Variants in PDIA6 observed in about 807,000 individuals in gnomAD.
PDIA6 encodes the protein protein disulfide isomerase family A member 6, also known as protein disulfide-isomerase A6.
A neutral mutation model predicts 58.4 loss-of-function variants in PDIA6; 29 were observed. The observed-to-expected ratio is 0.50, with a 90% CI of 0.37 to 0.68. The LOEUF (loss-of-function observed/expected upper bound fraction) is 0.68, where lower values mean the gene tolerates loss of function less well. PDIA6 is among the 30% of genes least tolerant of loss of function. PDIA6 has a pLI of 0.00. For synonymous variants in PDIA6, 192 were observed against 202.6 expected, an observed-to-expected ratio of 0.95 and a Z score of 0.44; for missense variants, 480 against 551.0, an observed-to-expected ratio of 0.87 and a Z score of 1.29.
At position 10,799,534 on chromosome 2, in the gene PDIA6, G is replaced by A. The variant is rs140189548; in HGVS notation, c.162-1777C>T. ...CACTACAATCATACAGGTAGAAGTCGTAATTATTATGTAACTGAGTATTGG... is the reference window on the plus strand; with the variant it reads ...CACTACAATCATACAGGTAGAAGTCATAATTATTATGTAACTGAGTATTGG... On this transcript the variant is annotated intron_variant, in intron 2 of 12. Coordinates refer to ENST00000272227, the MANE Select transcript of PDIA6 (RefSeq NM_005742.4). Among the ~76,000 whole-genome samples, 636 of 152,290 alleles carry A rather than the reference G, an allele frequency of 4.2e-3. 5 individuals are homozygous for A. The highest frequency in any genetic ancestry group is 0.017 in the Middle Eastern group (5 of 294).
chr2:10,829,216 C>CAGAGGA (rs1667638006), intron 1 of PDIA6, among the ~76,000 whole-genome samples: 1 of 152,142 alleles, frequency 6.6e-6, no homozygotes, highest in Non-Finnish European at 1.5e-5. Context: ...GCTGTTTGTT[C>CAGAGGA]CCCTGATGTC....
At chr2:10,813,885 C>T (rs565975084), upstream of PDIA6, among the ~76,000 whole-genome samples, 5 of 151,572 alleles carry the variant, frequency 3.3e-5, no homozygotes, top group Non-Finnish European at 5.9e-5. Context: ...TCACCACGCC[C>T]GGCTAATTTT....
At chr2:10,797,269 C>G in intron 3 of PDIA6, 62 bp from the exon 4 acceptor site, 1 of 1,532,814 alleles carries the variant, frequency 6.5e-7, no homozygotes, top group Non-Finnish European at 8.8e-7. Flanking sequence ...CACAAGAACT[C>G]ATTATCTGCT....
intron 1 of PDIA6, among the ~76,000 whole-genome samples, chr2:10,820,554 T>C (rs1572701560): frequency 6.6e-6 from 1 of 152,360 alleles, no homozygotes; most frequent in East Asian, 1.9e-4. Flanking sequence ...TTCTAGTTTT[T>C]CTAGTTGTCT....
At chr2:10,821,686 G>A (rs746046189) in intron 1 of PDIA6, among the ~76,000 whole-genome samples, 22 of 151,658 alleles carry the variant, frequency 1.5e-4, no homozygotes, top group Admixed American at 2.6e-4. Flanking sequence ...GTGCAGTGAC[G>A]CAGTTATGGC....
At chr2:10,809,668 A>AAC (rs1553340352) in intron 1 of PDIA6, among the ~76,000 whole-genome samples, 4,319 of 130,230 alleles carry the variant, frequency 0.033, 273 homozygotes, top group Non-Finnish European at 0.045. Flanking sequence ...AAAAAAAAAA[A>AAC]AAAACCCAAA....
intron 1 of PDIA6, among the ~76,000 whole-genome samples, chr2:10,809,994 T>C (rs1025223146): frequency 1.3e-5 from 2 of 151,290 alleles, no homozygotes; most frequent in Non-Finnish European, 2.9e-5. Context: ...TATGACTGTT[T>C]CAAGAGAAAT....
chr2:10,822,107 T>C (rs1301340860), intron 1 of PDIA6, among the ~76,000 whole-genome samples: 2 of 150,310 alleles, frequency 1.3e-5, no homozygotes, highest in Non-Finnish European at 3.0e-5. Flanking sequence ...GCCTGGCTAA[T>C]TTTTGTATTT....
At chr2:10,832,318 G>T in exon 1 of PDIA6, 1 of 698,704 alleles carries the variant, frequency 1.4e-6, no homozygotes, top group Non-Finnish European at 1.8e-6. Flanking sequence ...AGGATAAATT[G>T]TGTTCTGCTC....
Position 10,812,762 on chromosome 2 carries a change from G to A in PDIA6, c.-66C>T. 3.0e-6 allele frequency: 4 copies of A among 1,354,890 alleles called. No individual in the cohort carries two copies. The highest frequency in any genetic ancestry group is 3.3e-5 in the South Asian group (2 of 59,828). 83.9% of individuals were successfully genotyped at this position (1,354,890 alleles called of 1,614,324 possible). ...GCTTCAGCCCTGCAGCGTGCCGCAC[G>A]CCGCGCCCCCGCGCCCACGTCCCGC... On this transcript the variant is annotated 5_prime_UTR_variant, in exon 1 of 13. Transcript: ENST00000272227.
At chr2:10,810,380 A>T in intron 1 of PDIA6, 1 of 1,498,132 alleles carries the variant, frequency 6.7e-7, no homozygotes. Context: ...CAAGGACAGC[A>T]ATAACGTCAG....
At chr2:10,805,110 G>A (rs1248416270) in intron 1 of PDIA6, among the ~76,000 whole-genome samples, 3 of 151,038 alleles carry the variant, frequency 2.0e-5, no homozygotes, top group Non-Finnish European at 4.4e-5. Flanking sequence ...ACTACCATCA[G>A]AGTGAACAGG....
At chr2:10,799,824 C>G (rs1001146613) in intron 2 of PDIA6, among the ~76,000 whole-genome samples, 3 of 150,324 alleles carry the variant, frequency 2.0e-5, no homozygotes, top group African/African-American at 7.4e-5. Flanking sequence ...ATATGGCATA[C>G]AGTCTACCCA....
At chr2:10,833,091 G>A (rs1414751775), upstream of PDIA6, among the ~76,000 whole-genome samples, 1 of 152,122 alleles carries the variant, frequency 6.6e-6, no homozygotes, top group Non-Finnish European at 1.5e-5. Context: ...CAGAGGCAGA[G>A]CAGTCAGAAA....
intron 1 of PDIA6, among the ~76,000 whole-genome samples, chr2:10,807,880 T>C (rs1175207908): frequency 1.3e-5 from 2 of 152,258 alleles, no homozygotes; most frequent in Non-Finnish European, 2.9e-5. Context: ...ATCCCCATTT[T>C]GTAAATAAAG....
intron 2 of PDIA6, among the ~76,000 whole-genome samples, chr2:10,802,266 A>G (rs1734360): frequency 0.49 from 74,140 of 151,996 alleles, 19,625 homozygotes; most frequent in Middle Eastern, 0.59. Context: ...TCTTTGCTCA[A>G]GATTCCTTCC....
chr2:10,792,753 T>C (rs185958479), intron 5 of PDIA6, among the ~76,000 whole-genome samples: 116 of 152,258 alleles, frequency 7.6e-4, no homozygotes, highest in African/African-American at 2.6e-3. Flanking sequence ...CTCATCACGG[T>C]TTGCCAAAGC....
rs551732459 is a variant in PDIA6 at position 10,817,867 on chromosome 2, G to A, written c.34+1407C>T. ...CTATAGTTTTAGCCATTGTATTTTG[G>A]AATAACTTGCCACAGGAGTTTAGCT... On this transcript the variant is annotated intron_variant, in intron 2 of 13. Coordinates refer to the PDIA6 transcript ENST00000381611. Among the ~76,000 whole-genome samples the A allele has an allele frequency of 5.9e-5, 9 of 152,304 alleles. No homozygotes were observed. In the South Asian group the frequency reaches 1.9e-3, roughly 32 times the overall value.
upstream of PDIA6, among the ~76,000 whole-genome samples, chr2:10,816,134 G>C (rs1335274372): frequency 7.6e-6 from 1 of 131,458 alleles, no homozygotes; most frequent in African/African-American, 2.9e-5. Context: ...CCAGGCTGGA[G>C]TGCAGTGGTG....
Sources: gnomAD v4.1 joint callset for allele counts (sites outside exome capture counted in the v4.1 genomes callset) on GRCh38, gnomAD v4.1.1 for gene constraint, MANE v1.5 for transcripts, NCBI Gene and HGNC (gene_info 2026-07-23, HGNC 2026-07-21) for gene names.